GFOD2: variants seen among roughly 807,000 people sequenced by gnomAD.
GFOD2 encodes Gfo/Idh/MocA-like oxidoreductase domain containing 2, also known as glucose-fructose oxidoreductase domain-containing protein 2.
GFOD2 carries 9 observed loss-of-function variants against 24.6 expected under a neutral mutation model. The observed-to-expected ratio is 0.37, with a 90% CI of 0.22 to 0.64. GFOD2 has a LOEUF of 0.64. Ranked by LOEUF, GFOD2 falls within the 30% of genes least tolerant of loss-of-function variation. GFOD2 has a pLI of 0.65. For synonymous variants in GFOD2, 211 were observed against 224.8 expected, an observed-to-expected ratio of 0.94 and a Z score of 0.55; for missense variants, 476 against 532.5, an observed-to-expected ratio of 0.89 and a Z score of 1.04.
intron 1 of GFOD2, among the ~76,000 whole-genome samples, chr16:67,706,640 G>A (rs906219311): frequency 2.0e-5 from 3 of 152,020 alleles, no homozygotes; most frequent in African/African-American, 7.2e-5. Flanking sequence ...TTGAAATCAT[G>A]GGGTAAGGAT....
chr16:67,689,420 C>T (rs528290401), intron 1 of GFOD2, among the ~76,000 whole-genome samples: 1 of 151,654 alleles, frequency 6.6e-6, no homozygotes, highest in African/African-American at 2.4e-5. Flanking sequence ...CCTGTAATCC[C>T]AGCACTTTGG....
intron 1 of GFOD2, among the ~76,000 whole-genome samples, chr16:67,705,057 T>C (rs915736849): frequency 2.0e-5 from 3 of 152,232 alleles, no homozygotes; most frequent in Non-Finnish European, 4.4e-5. Flanking sequence ...GCACTGGGTA[T>C]GCTACCTTCC....
intron 1 of GFOD2, among the ~76,000 whole-genome samples, chr16:67,708,891 T>C (rs187853432): frequency 4.6e-5 from 7 of 152,110 alleles, no homozygotes; most frequent in Admixed American, 2.6e-4. Flanking sequence ...ACTCATTTGA[T>C]AATTTGATTT....
At chr16:67,708,623 T>C (rs1383614754) in intron 1 of GFOD2, among the ~76,000 whole-genome samples, 3 of 152,218 alleles carry the variant, frequency 2.0e-5, no homozygotes, top group Non-Finnish European at 4.4e-5. Context: ...CAGTTTGCAG[T>C]TGTAGCTATA....
intron 1 of GFOD2, among the ~76,000 whole-genome samples, chr16:67,691,901 C>G (rs767918150): frequency 1.3e-5 from 2 of 152,150 alleles, no homozygotes; most frequent in Non-Finnish European, 2.9e-5. Flanking sequence ...ACTGGAGGTT[C>G]TATCCTCACG....
chr16:67,684,924 C>T lies in GFOD2; in HGVS notation c.259+533G>A, dbSNP rs530687626. 44 of 998,142 alleles carry T rather than the reference C, an allele frequency of 4.4e-5. No homozygotes were observed. In the African/African-American group the frequency reaches 6.9e-4, roughly 16 times the overall value. The allele number at this position is 998,142 out of a possible 1,614,324, so 61.8% of individuals were successfully genotyped here. ...TGGAGATGTCATGTAAGCAGGCTGT[C>T]GACGGATCCTGTCAGGGAAGCCCAA... On this transcript the variant is annotated intron_variant, in intron 2 of 2. Coordinates refer to ENST00000268797, the MANE Select transcript of GFOD2 (RefSeq NM_030819.4).
intron 1 of GFOD2, among the ~76,000 whole-genome samples, chr16:67,699,773 C>T (rs1457887269): frequency 2.0e-5 from 3 of 151,538 alleles, no homozygotes; most frequent in African/African-American, 7.3e-5. Context: ...AGCAAGCCAC[C>T]GCGCCCAGCC....
chr16:67,705,003 C>T lies in GFOD2; in HGVS notation c.-88+14160G>A, dbSNP rs571744598. ...GGTCAGCTGCTACTTTTCTGAGACC[C>T]GTGGGATGTAATTCAAATTGATCAG... On this transcript the variant is annotated intron_variant, in intron 1 of 2. Transcript: ENST00000268797. 3.3e-5 allele frequency among the ~76,000 whole-genome samples: 5 copies of T among 152,266 alleles called. No individual in the cohort carries two copies. The East Asian group carries it at 7.7e-4, about 23-fold the overall frequency.
At chr16:67,709,453 A>T (rs2053458546) in intron 1 of GFOD2, among the ~76,000 whole-genome samples, 1 of 152,194 alleles carries the variant, frequency 6.6e-6, no homozygotes, top group Admixed American at 6.5e-5. Context: ...AAAGTGCAGG[A>T]TACTTCAGTA....
chr16:67,702,589 A>G (rs1360885643), intron 1 of GFOD2, among the ~76,000 whole-genome samples: 1 of 146,156 alleles, frequency 6.8e-6, no homozygotes, highest in Admixed American at 6.8e-5. Context: ...GAAGGTAGCC[A>G]GGATTTTTTT....
At chr16:67,686,039 G>A (rs1036699077) in intron 1 of GFOD2, among the ~76,000 whole-genome samples, 5 of 152,182 alleles carry the variant, frequency 3.3e-5, no homozygotes, top group Middle Eastern at 3.4e-3. Flanking sequence ...TCAGGAGGCC[G>A]AGGTGGGAAG....
At chr16:67,696,666 G>A (rs2053361883) in intron 1 of GFOD2, among the ~76,000 whole-genome samples, 1 of 151,618 alleles carries the variant, frequency 6.6e-6, no homozygotes, top group South Asian at 2.1e-4. Flanking sequence ...GTAGAGACGG[G>A]GTTTCACCAT....
At chr16:67,684,386 T>G (rs1008700870) in intron 2 of GFOD2, 2 of 142,222 alleles carry the variant, frequency 1.4e-5, no homozygotes. Context: ...AAAAATAAAA[T>G]AAAATAATAA....
At chr16:67,704,861 G>A (rs2053428728) in intron 1 of GFOD2, among the ~76,000 whole-genome samples, 1 of 152,208 alleles carries the variant, frequency 6.6e-6, no homozygotes, top group Admixed American at 6.5e-5. Flanking sequence ...TAGTTCTGAG[G>A]AATCACCAGC....
chr16:67,700,312 T>C (rs1413142069), intron 1 of GFOD2, among the ~76,000 whole-genome samples: 3 of 151,082 alleles, frequency 2.0e-5, no homozygotes, highest in East Asian at 3.9e-4. Flanking sequence ...GAAGCAGAGG[T>C]TGCAGTGAGC....
chr16:67,687,216 G>T (rs1429135163), intron 1 of GFOD2, among the ~76,000 whole-genome samples: 1 of 149,626 alleles, frequency 6.7e-6, no homozygotes, highest in East Asian at 2.0e-4. Context: ...GAAAGTGAAA[G>T]AACTAATTGC....
intron 1 of GFOD2, among the ~76,000 whole-genome samples, chr16:67,717,114 T>C (rs2053512657): frequency 6.6e-6 from 1 of 152,164 alleles, no homozygotes; most frequent in Non-Finnish European, 1.5e-5. Context: ...GAGGCTGGTC[T>C]CAAACTCCTG....
intron 1 of GFOD2, among the ~76,000 whole-genome samples, chr16:67,693,764 T>C (rs2053334668): frequency 6.6e-6 from 1 of 151,970 alleles, no homozygotes; most frequent in Non-Finnish European, 1.5e-5. Context: ...AAGTGAACAA[T>C]TCAGTGGCCG....
chr16:67,708,422 C>T (rs763153152), intron 1 of GFOD2, among the ~76,000 whole-genome samples: 14 of 152,160 alleles, frequency 9.2e-5, no homozygotes, highest in Non-Finnish European at 1.9e-4. Flanking sequence ...ACTTGCTGAG[C>T]GTATCTGAAG....
Sources: allele counts gnomAD v4.1 joint callset (sites outside exome capture counted in the v4.1 genomes callset), GRCh38; gene constraint gnomAD v4.1.1; transcripts MANE v1.5; gene names NCBI Gene and HGNC (gene_info 2026-07-23, HGNC 2026-07-21).